CYFIP2: variants seen among roughly 807,000 people sequenced by gnomAD.
CYFIP2 encodes cytoplasmic FMR1 interacting protein 2, also known as cytoplasmic FMR1-interacting protein 2.
A neutral mutation model predicts 158.7 loss-of-function variants in CYFIP2; 29 were observed. The observed-to-expected ratio is 0.18, with a 90% CI of 0.14 to 0.25. The LOEUF is 0.25. CYFIP2 is among the 10% of genes least tolerant of loss of function. The probability of loss-of-function intolerance (pLI) is 1.00; values close to 1 mark genes in which losing one functional copy is unlikely to be tolerated. For synonymous variants in CYFIP2, 585 were observed against 617.6 expected, an observed-to-expected ratio of 0.95 and a Z score of 0.78; for missense variants, 852 against 1,639.5, an observed-to-expected ratio of 0.52 and a Z score of 8.29.
intron 29 of CYFIP2, among the ~76,000 whole-genome samples, chr5:157,389,887 G>C (rs80320835): frequency 0.048 from 7,293 of 152,298 alleles, 250 homozygotes; most frequent in Middle Eastern, 0.068. Context: ...CAGTGATGGG[G>C]AACTGGGGAC....
rs563534464 is a variant in CYFIP2, at chr5:157,361,028, CCT to C, written c.2909-435_2909-434del. Among the ~76,000 whole-genome samples, 14 of 152,178 alleles carry C rather than the reference CCT, an allele frequency of 9.2e-5. No homozygotes were observed. Among genetic ancestry groups the C allele is most frequent in the Non-Finnish European group, 1.9e-4 (13 of 68,032 alleles). On this transcript the variant is annotated intron_variant, in intron 25 of 30. Coordinates refer to ENST00000620254, the MANE Select transcript of CYFIP2 (RefSeq NM_001037333.3). The surrounding 1 kb of genome is among the most constrained non-coding windows in gnomAD (Gnocchi z 4.4). ...GTGTGACTATGGGCATGCCCCTTAC[CCT>C]CTCTGAGCCTCATCTGAAACCAGGG...
intron 26 of CYFIP2, among the ~76,000 whole-genome samples, chr5:157,371,299 G>A (rs1189376780): frequency 6.6e-6 from 1 of 152,154 alleles, no homozygotes; most frequent in Non-Finnish European, 1.5e-5. Context: ...AATCCAAGCA[G>A]CGATCCCTGT....
chr5:157,351,307 A>G (rs1341647653), intron 23 of CYFIP2, among the ~76,000 whole-genome samples: 1 of 152,202 alleles, frequency 6.6e-6, no homozygotes, highest in Admixed American at 6.5e-5. Flanking sequence ...TCATAGCTTC[A>G]TCCAGAGGCT....
intron 26 of CYFIP2, among the ~76,000 whole-genome samples, chr5:157,368,369 C>G (rs1445466248): frequency 6.6e-6 from 1 of 152,164 alleles, no homozygotes; most frequent in African/African-American, 2.4e-5. Context: ...TCAGCCACCC[C>G]TCTCAGACCG....
At chr5:157,301,021 C>A in intron 6 of CYFIP2, 125 bp downstream of exon 6, 1 of 818,034 alleles carries the variant, frequency 1.2e-6, no homozygotes, top group Non-Finnish European at 1.8e-6. Flanking sequence ...ACTAGCCATC[C>A]CCCAAACATA....
At chr5:157,304,520 G>A in intron 8 of CYFIP2, 154 bp downstream of exon 8, 1 of 817,264 alleles carries the variant, frequency 1.2e-6, no homozygotes, top group Non-Finnish European at 1.9e-6. Context: ...TTCCTTTCCT[G>A]TAATATAATA....
intron 21 of CYFIP2, among the ~76,000 whole-genome samples, chr5:157,337,510 CA>C (rs1240308871): frequency 6.6e-6 from 1 of 152,184 alleles, no homozygotes; most frequent in African/African-American, 2.4e-5. Context: ...TCTCTTTAGC[CA>C]TGTGTGTTTG....
intron 14 of CYFIP2, among the ~76,000 whole-genome samples, chr5:157,320,292 T>C (rs764681596): frequency 1.3e-5 from 2 of 152,226 alleles, no homozygotes; most frequent in African/African-American, 4.8e-5. Context: ...TAAGCTATTA[T>C]GAAAACTAAG....
Position 157,311,134 on chromosome 5 carries a change from G to T in CYFIP2, c.993-530G>T, listed in dbSNP as rs941870101. Reference sequence around the variant, plus strand: ...GGGTGGAGGGAGGGGCCACCCCCACGTCTCAGAGTGGCCCTGGCTTCTCCC... The same window carrying T: ...GGGTGGAGGGAGGGGCCACCCCCACTTCTCAGAGTGGCCCTGGCTTCTCCC... On this transcript the variant is annotated intron_variant, in intron 10 of 30. Coordinates refer to ENST00000620254, the MANE Select transcript of CYFIP2 (RefSeq NM_001037333.3). This position sits in a 1 kb window ranked among gnomAD's most constrained non-coding sequence, Gnocchi z 4.7. 2.2e-6 allele frequency: 1 copy of T among 453,568 alleles called. No homozygotes were observed. The highest frequency in any genetic ancestry group is 2.0e-5 in the African/African-American group (1 of 50,004). 28.1% of individuals were successfully genotyped at this position (453,568 alleles called of 1,614,324 possible). A position where few individuals can be genotyped will look rare whatever the true frequency, so the allele number is the denominator to read the frequency against.
In CYFIP2 at chr5:157,296,521, G is replaced by A. The variant is rs780325003; in HGVS notation, c.286-152G>A. 1.0e-5 allele frequency: 7 copies of A among 681,054 alleles called. No individual in the cohort carries two copies. In the Middle Eastern group the frequency reaches 7.5e-4, roughly 73 times the overall value. 42.2% of individuals were successfully genotyped at this position (681,054 alleles called of 1,614,324 possible). A position where few individuals can be genotyped will look rare whatever the true frequency, so the allele number is the denominator to read the frequency against. Reference sequence around the variant, plus strand: ...AGTTGGGAGGATCACTTGAGCCTGGGAGGTTGAGGTTTCAGTGAGCCATGA... The same window carrying A: ...AGTTGGGAGGATCACTTGAGCCTGGAAGGTTGAGGTTTCAGTGAGCCATGA... On this transcript the variant is annotated intron_variant, in intron 4 of 30. Transcript: ENST00000620254.
chr5:157,302,844 C>T lies in CYFIP2; in HGVS notation c.620C>T (p.Ser207Leu), dbSNP rs267600513. 6.3e-7 allele frequency: 1 copy of T among 1,587,716 alleles called. No homozygotes were observed. The highest frequency in any genetic ancestry group is 8.6e-7 in the Non-Finnish European group (1 of 1,166,718). Residue 207 changes from serine to leucine, a missense_variant, in exon 7 of 31, where the codon TCG becomes TTG. This residue lies in a region of CYFIP2 where 123 missense variants were observed against 316.7 expected (regional missense o/e 0.39). Coordinates refer to ENST00000620254, the MANE Select transcript of CYFIP2 (RefSeq NM_001037333.3). ...KMADPQSIQE[S>L]QNLSMFLANH... ...GCAGATCCCCAGTCTATCCAGGAGTCGCAGAACCTTTCCATGTTCCTGGCC... is the reference window on the plus strand; with the variant it reads ...GCAGATCCCCAGTCTATCCAGGAGTTGCAGAACCTTTCCATGTTCCTGGCC...
At chr5:157,347,326 C>T (rs62390101) in intron 23 of CYFIP2, among the ~76,000 whole-genome samples, 14 of 148,008 alleles carry the variant, frequency 9.5e-5, no homozygotes, top group African/African-American at 3.3e-4. Flanking sequence ...AAAAAAGAGC[C>T]GCCTTGGTGA....
intron 1 of CYFIP2, among the ~76,000 whole-genome samples, chr5:157,273,506 G>A (rs2113810411): frequency 6.6e-6 from 1 of 152,280 alleles, no homozygotes; most frequent in Admixed American, 6.5e-5. Context: ...CAGGGGCAGG[G>A]GGAGGGAACA....
intron 26 of CYFIP2, 61 bp from the exon 27 acceptor site, chr5:157,382,529 G>A: frequency 1.3e-6 from 2 of 1,583,142 alleles, no homozygotes; most frequent in Non-Finnish European, 1.7e-6. Flanking sequence ...TTTTAGGAAT[G>A]AAAAATCTTC....
chr5:157,268,051 G>T (rs1332398277), intron 1 of CYFIP2, among the ~76,000 whole-genome samples: 1 of 152,256 alleles, frequency 6.6e-6, no homozygotes, highest in Non-Finnish European at 1.5e-5. Context: ...TGTGTACACA[G>T]GGTTCCTCGT....
chr5:157,368,936 T>C (rs1314683405), intron 26 of CYFIP2, among the ~76,000 whole-genome samples: 1 of 151,422 alleles, frequency 6.6e-6, no homozygotes, highest in African/African-American at 2.4e-5. Context: ...TCTCACTCTC[T>C]TGCCCAAACT....
intron 19 of CYFIP2, 85 bp downstream of exon 19, chr5:157,328,134 T>C: frequency 2.3e-6 from 3 of 1,317,930 alleles, no homozygotes; most frequent in South Asian, 2.5e-5. Context: ...ACCTCCCTTC[T>C]TCTTTAGCAC....
chr5:157,298,173 C>T (rs1758407180), intron 5 of CYFIP2, among the ~76,000 whole-genome samples: 1 of 152,106 alleles, frequency 6.6e-6, no homozygotes. Flanking sequence ...TCAGTAGCCT[C>T]TTTTTGTTGT....
chr5:157,372,486 C>T (rs1765086166), intron 26 of CYFIP2, among the ~76,000 whole-genome samples: 1 of 152,074 alleles, frequency 6.6e-6, no homozygotes, highest in African/African-American at 2.4e-5. Flanking sequence ...CATAAAACTT[C>T]AACAGGGGAT....
Sources: gnomAD v4.1 joint callset for allele counts (sites outside exome capture counted in the v4.1 genomes callset) on GRCh38, gnomAD v4.1.1 for gene constraint, gnomAD v4.1.1 regional missense constraint, Gnocchi (gnomAD v3.1) non-coding constraint, MANE v1.5 for transcripts, NCBI Gene and HGNC (gene_info 2026-07-23, HGNC 2026-07-21) for gene names.